RSBN1: variants seen among roughly 807,000 people sequenced by gnomAD.
RSBN1 encodes lysine-specific demethylase 9.
RSBN1 carries 23 observed loss-of-function variants against 74.8 expected under a neutral mutation model. That is an observed-to-expected ratio of 0.31 (90% CI 0.22 to 0.44). RSBN1 has a LOEUF of 0.44. Among genes scored for constraint, RSBN1 ranks in the 20% least tolerant of loss-of-function variants. The probability of loss-of-function intolerance (pLI) is 1.00; values close to 1 mark genes in which losing one functional copy is unlikely to be tolerated. For missense variants in RSBN1, 808 were observed against 1,020.9 expected (o/e 0.79, Z 2.84); for synonymous variants, 407 against 379.6 (o/e 1.07, Z -0.84).
At position 113,777,677 on chromosome 1, in the gene RSBN1, A is replaced by C. The variant is rs1320052304; in HGVS notation, c.1509T>G (p.Phe503Leu). 6.2e-7 allele frequency: 1 copy of C among 1,608,774 alleles called. No individual in the cohort carries two copies. The highest frequency in any genetic ancestry group is 1.3e-5 in the African/African-American group (1 of 74,834). Reference protein sequence around the residue: ...EFLDMLEESPFLKMTLPWGTL... With the variant: ...EFLDMLEESPLLKMTLPWGTL... The stretch of plus-strand genomic sequence containing the variant: ...AATCTTAATTAACACTCACTTTCAG[A>C]AATGGTGATTCTTCTAACATATCAA... Residue 503 changes from phenylalanine (F) to leucine (L), a missense_variant, in exon 3 of 7, where the codon TTT becomes TTG. Phe to Leu is a conservative substitution (Grantham distance 22). Transcript: ENST00000261441.
Position 113,763,279 on chromosome 1 carries a change from C to T in RSBN1, c.*2701G>A, listed in dbSNP as rs1659715512. On this transcript the variant is annotated 3_prime_UTR_variant, in exon 7 of 7. Transcript: ENST00000261441. ...ATTTAAAAACCATCCCTCTGCTCCA[C>T]AAAATATTAAAACTTATAGCCACAT... is the stretch of plus-strand genomic sequence containing the variant. 1 of 152,720 alleles carries T rather than the reference C, an allele frequency of 6.5e-6. No homozygotes were observed. The highest frequency in any genetic ancestry group is 2.1e-4 in the South Asian group (1 of 4,834). The allele number at this position is 152,720 out of a possible 1,614,324, so 9.5% of individuals were successfully genotyped here.
At chr1:113,801,660 T>C (rs1206829201) in intron 1 of RSBN1, among the ~76,000 whole-genome samples, 1 of 152,242 alleles carries the variant, frequency 6.6e-6, no homozygotes, top group African/African-American at 2.4e-5. Flanking sequence ...CTAAAATTTA[T>C]TGACTACAGT....
chr1:113,795,040 C>T (rs1660443358), intron 2 of RSBN1, among the ~76,000 whole-genome samples: 1 of 152,098 alleles, frequency 6.6e-6, no homozygotes, highest in South Asian at 2.1e-4. Flanking sequence ...CAGGTAAGTC[C>T]ACACTGCCCT....
intron 2 of RSBN1, among the ~76,000 whole-genome samples, chr1:113,792,520 T>A (rs188145420): frequency 1.3e-5 from 2 of 152,240 alleles, no homozygotes; most frequent in East Asian, 3.9e-4. Context: ...CTAGACGACA[T>A]AGTGAGACTC....
intron 4 of RSBN1, among the ~76,000 whole-genome samples, chr1:113,773,537 A>G (rs576146255): frequency 6.6e-6 from 1 of 152,274 alleles, no homozygotes; most frequent in Admixed American, 6.5e-5. Flanking sequence ...AATTTTTTAA[A>G]ATAAAATAAA....
intron 4 of RSBN1, among the ~76,000 whole-genome samples, chr1:113,769,101 A>G (rs746458276): frequency 3.9e-5 from 6 of 152,202 alleles, no homozygotes; most frequent in Non-Finnish European, 7.4e-5. Flanking sequence ...TCAGCATGAT[A>G]ATAGTTTATT....
At chr1:113,791,054 GAACA>G (rs1307847222) in intron 2 of RSBN1, among the ~76,000 whole-genome samples, 1 of 152,074 alleles carries the variant, frequency 6.6e-6, no homozygotes, top group Non-Finnish European at 1.5e-5. Flanking sequence ...CACAGTGGAG[GAACA>G]AACAGAATTG....
intron 2 of RSBN1, among the ~76,000 whole-genome samples, chr1:113,786,525 G>C (rs1660246928): frequency 6.6e-6 from 1 of 152,224 alleles, no homozygotes; most frequent in Admixed American, 6.5e-5. Context: ...TGTGATGATA[G>C]AAGCATAGCC....
intron 2 of RSBN1, among the ~76,000 whole-genome samples, chr1:113,794,639 T>C (rs1418545217): frequency 1.3e-5 from 2 of 152,216 alleles, no homozygotes; most frequent in African/African-American, 2.4e-5. Flanking sequence ...GCTTTCAAGA[T>C]TGTACTCAAG....
chr1:113,775,824 A>C (rs554421563), intron 4 of RSBN1, among the ~76,000 whole-genome samples: 5 of 152,348 alleles, frequency 3.3e-5, no homozygotes, highest in African/African-American at 1.2e-4. Flanking sequence ...CAGAACTTTC[A>C]AATGACTCCT....
At chr1:113,811,188 T>C (rs1384273989) in intron 1 of RSBN1, among the ~76,000 whole-genome samples, 1 of 152,194 alleles carries the variant, frequency 6.6e-6, no homozygotes, top group African/African-American at 2.4e-5. Context: ...ACCTCTAGAT[T>C]AAAAAGAACC....
At chr1:113,799,559 A>G (rs183027142) in intron 1 of RSBN1, among the ~76,000 whole-genome samples, 9 of 142,024 alleles carry the variant, frequency 6.3e-5, no homozygotes, top group African/African-American at 2.3e-4. Flanking sequence ...TGATCTATAG[A>G]TGCTTTACAC....
At chr1:113,766,968 C>A in intron 6 of RSBN1, 131 bp downstream of exon 6, 3 of 545,220 alleles carry the variant, frequency 5.5e-6, no homozygotes, top group South Asian at 5.4e-5. Flanking sequence ...ACCACCCCCA[C>A]CCCAGTCTTT....
Position 113,763,518 on chromosome 1 carries a change from G to A in RSBN1, c.*2462C>T, listed in dbSNP as rs1226483651. ...AAACTAGGATACAGCTTTGAAAGCA[G>A]TAAAAAACGCAAAACTTCTGCTTTT... is the stretch of plus-strand genomic sequence containing the variant. On this transcript the variant is annotated 3_prime_UTR_variant, in exon 7 of 7. Coordinates refer to ENST00000261441, the MANE Select transcript of RSBN1 (RefSeq NM_018364.5). The A allele has an allele frequency of 3.3e-5, 5 of 152,706 alleles. No individual in the cohort carries two copies. Among genetic ancestry groups the A allele is most frequent in the Non-Finnish European group, 7.4e-5 (5 of 68,006 alleles). 9.5% of individuals were successfully genotyped at this position (152,706 alleles called of 1,614,324 possible).
At chr1:113,779,854 C>A (rs1220827512) in intron 2 of RSBN1, among the ~76,000 whole-genome samples, 1 of 150,062 alleles carries the variant, frequency 6.7e-6, no homozygotes, top group Non-Finnish European at 1.5e-5. Context: ...AATCCCGTCT[C>A]TACTAAAAAT....
At chr1:113,773,923 A>G (rs2101795523) in intron 4 of RSBN1, among the ~76,000 whole-genome samples, 1 of 152,118 alleles carries the variant, frequency 6.6e-6, no homozygotes, top group Non-Finnish European at 1.5e-5. Flanking sequence ...GAATCATTTG[A>G]ATCCGGGAGG....
intron 2 of RSBN1, among the ~76,000 whole-genome samples, chr1:113,787,554 C>T (rs1459759897): frequency 2.0e-5 from 3 of 152,116 alleles, no homozygotes; most frequent in Non-Finnish European, 4.4e-5. Context: ...TTTTCCTCAC[C>T]TTATTTGTGG....
At chr1:113,788,983 G>A (rs1660311978) in intron 2 of RSBN1, among the ~76,000 whole-genome samples, 1 of 152,134 alleles carries the variant, frequency 6.6e-6, no homozygotes, top group Admixed American at 6.5e-5. Flanking sequence ...TAAATAGTGA[G>A]TGTGATATTG....
At position 113,802,313 on chromosome 1, in the gene RSBN1, GAAA is replaced by G. The variant is rs1014966060; in HGVS notation, c.704-4280_704-4278del. Among the ~76,000 whole-genome samples the G allele has an allele frequency of 1.4e-4, 17 of 124,116 alleles. No individual in the cohort carries two copies. The East Asian group carries it at 3.4e-3, about 25-fold the overall frequency. 81.4% of individuals were successfully genotyped at this position (124,116 alleles called of 152,430 possible). On this transcript the variant is annotated intron_variant, in intron 1 of 6. Coordinates refer to ENST00000261441, the MANE Select transcript of RSBN1 (RefSeq NM_018364.5). Reference sequence around the variant, plus strand: ...TACTCTAATTATGGCTTAGAAGTCGGAAAAAAAAAAAAAAGGTAGTATCTTCAG... The same window carrying G: ...TACTCTAATTATGGCTTAGAAGTCGGAAAAAAAAAAAGGTAGTATCTTCAG...
Sources: gnomAD v4.1 joint callset for allele counts (sites outside exome capture counted in the v4.1 genomes callset) on GRCh38, gnomAD v4.1.1 for gene constraint, MANE v1.5 for transcripts, NCBI Gene and HGNC (gene_info 2026-07-23, HGNC 2026-07-21) for gene names.